The following POLA1 variants were observed in gnomAD, a reference collection of about 807,000 sequenced individuals.
POLA1 encodes the protein DNA polymerase alpha catalytic subunit.
A neutral mutation model predicts 124.0 loss-of-function variants in POLA1; 15 were observed. The ratio of observed to expected loss-of-function variants is 0.12; its 90% CI spans 0.08 to 0.19. The LOEUF (loss-of-function observed/expected upper bound fraction) is 0.19, where lower values mean the gene tolerates loss of function less well. POLA1 is among the 10% of genes least tolerant of loss of function. The probability of loss-of-function intolerance (pLI) is 1.00; values close to 1 mark genes in which losing one functional copy is unlikely to be tolerated. For synonymous variants in POLA1, 408 were observed against 389.4 expected (o/e 1.05, Z -0.56); for missense variants, 886 against 1,103.4 (o/e 0.80, Z 2.79).
At chrX:24,979,953 G>C (rs1258580269) in intron 36 of POLA1, among the ~76,000 whole-genome samples, 10 of 112,063 alleles carry the variant, frequency 8.9e-5, no homozygotes, top group African/African-American at 3.2e-4. Flanking sequence ...TTGGGTTGGA[G>C]AAATGACCTC....
chrX:24,840,180 TACA>T (rs2046392074), intron 32 of POLA1, among the ~76,000 whole-genome samples: 1 of 112,535 alleles, frequency 8.9e-6, no homozygotes, highest in Admixed American at 9.4e-5. Context: ...CTTTAATTCC[TACA>T]ACGAGTAGCT....
chrX:24,741,940 A>C, intron 21 of POLA1, 62 bp from the exon 22 acceptor site: 1 of 1,049,279 alleles, frequency 9.5e-7, no homozygotes, highest in East Asian at 3.2e-5. Context: ...TTACTGACTC[A>C]AAGTTGCTTT....
chrX:24,943,758 C>T (rs993917152), intron 36 of POLA1, among the ~76,000 whole-genome samples: 1 of 112,612 alleles, frequency 8.9e-6, no homozygotes, highest in Non-Finnish European at 1.9e-5. Flanking sequence ...AATCATCTTT[C>T]TTCACTTATT....
intron 34 of POLA1, among the ~76,000 whole-genome samples, chrX:24,854,289 C>A (rs930928947): frequency 9.0e-6 from 1 of 110,558 alleles, no homozygotes; most frequent in Admixed American, 9.6e-5. Flanking sequence ...AGGTGATTCA[C>A]CCCCCTCGCC....
At chrX:24,843,886 A>G (rs1007253308) in intron 34 of POLA1, among the ~76,000 whole-genome samples, 2 of 112,111 alleles carry the variant, frequency 1.8e-5, no homozygotes, top group African/African-American at 6.5e-5. Context: ...CATCTCTTTC[A>G]TTTACGAGCA....
intron 29 of POLA1, among the ~76,000 whole-genome samples, chrX:24,813,268 C>T (rs992383147): frequency 9.0e-6 from 1 of 110,934 alleles, no homozygotes; most frequent in African/African-American, 3.3e-5. Context: ...TTAAGATTTT[C>T]CCATTTTATG....
intron 13 of POLA1, 85 bp from the exon 14 acceptor site, chrX:24,726,848 C>T (rs1429290982): frequency 2.8e-6 from 2 of 702,902 alleles, no homozygotes; most frequent in Non-Finnish European, 4.1e-6. Flanking sequence ...CATAGAGAGG[C>T]TTTTGTTTAT....
rs769426128 is a variant in POLA1 at position 24,821,448 on chromosome X, T to C, written c.3430-4T>C. ...GCTTAGAACTTTTTTGTTCCCTCTT[T>C]TAGGCATTGACAAAGGATCCCCAGG... On this transcript the variant is annotated splice_polypyrimidine_tract_variant and splice_region_variant and intron_variant, in intron 30 of 36. Transcript: ENST00000379068. 7 of 1,202,198 alleles carry C rather than the reference T, an allele frequency of 5.8e-6. No individual in the cohort carries two copies. The highest frequency in any genetic ancestry group is 7.9e-6 in the Non-Finnish European group (7 of 889,944).
At chrX:24,792,791 A>G (rs969572998) in intron 26 of POLA1, among the ~76,000 whole-genome samples, 2 of 112,070 alleles carry the variant, frequency 1.8e-5, no homozygotes, top group African/African-American at 6.5e-5. Flanking sequence ...TAACTATGTA[A>G]ATTAACATAT....
chrX:24,886,951 C>T (rs1414618243), intron 34 of POLA1, among the ~76,000 whole-genome samples: 1 of 111,697 alleles, frequency 9.0e-6, no homozygotes, highest in East Asian at 2.8e-4. Flanking sequence ...CCAAGATCTA[C>T]AGATAGTCAG....
At chrX:24,877,929 T>C (rs1451548169) in intron 34 of POLA1, among the ~76,000 whole-genome samples, 1 of 107,707 alleles carries the variant, frequency 9.3e-6, no homozygotes, top group Admixed American at 1.0e-4. Context: ...TTTTTTTTGT[T>C]TTTTTTTTAG....
At chrX:24,806,057 T>G (rs1470266603) in intron 26 of POLA1, among the ~76,000 whole-genome samples, 3 of 7,565 alleles carry the variant, frequency 4.0e-4, no homozygotes, top group East Asian at 4.0e-3. Context: ...TATGAGGTTT[T>G]TTTTTTTTTT....
chrX:24,831,481 C>T (rs1360189042), intron 32 of POLA1, among the ~76,000 whole-genome samples: 2 of 110,512 alleles, frequency 1.8e-5, no homozygotes, highest in Non-Finnish European at 3.8e-5. Flanking sequence ...AGTGCAGTGG[C>T]GCTATCTCGG....
chrX:24,861,909 A>T (rs1001048365), intron 34 of POLA1, among the ~76,000 whole-genome samples: 1 of 112,024 alleles, frequency 8.9e-6, no homozygotes, highest in Middle Eastern at 4.6e-3. Context: ...CTTTATGTAT[A>T]TTTCTTTAAA....
intron 4 of POLA1, among the ~76,000 whole-genome samples, chrX:24,711,633 C>T (rs960005982): frequency 1.9e-4 from 21 of 109,888 alleles, no homozygotes; most frequent in African/African-American, 6.6e-4. Flanking sequence ...GAGTTTTGCT[C>T]GTTGCCTAAG....
chrX:24,902,871 G>C (rs1249598876), intron 35 of POLA1, among the ~76,000 whole-genome samples: 1 of 112,416 alleles, frequency 8.9e-6, no homozygotes, highest in African/African-American at 3.2e-5. Context: ...ATCTTCAGTA[G>C]CTAAGAAATA....
At chrX:24,797,202 A>G (rs1246876288) in intron 26 of POLA1, among the ~76,000 whole-genome samples, 1 of 110,739 alleles carries the variant, frequency 9.0e-6, no homozygotes, top group Non-Finnish European at 1.9e-5. Context: ...GGCCCTTCAC[A>G]TTTGGGCCTC....
intron 34 of POLA1, among the ~76,000 whole-genome samples, chrX:24,855,740 T>C (rs2046636525): frequency 9.0e-6 from 1 of 111,411 alleles, no homozygotes; most frequent in Admixed American, 9.5e-5. Flanking sequence ...AGTCAAGTAG[T>C]CATCCCTACG....
At chrX:24,839,929 GTC>G (rs1374375596) in intron 32 of POLA1, among the ~76,000 whole-genome samples, 1 of 111,809 alleles carries the variant, frequency 8.9e-6, no homozygotes, top group Non-Finnish European at 1.9e-5. Context: ...CAGCGGTGTG[GTC>G]TCTCTCAATT....
Sources: allele counts gnomAD v4.1 joint callset (sites outside exome capture counted in the v4.1 genomes callset), GRCh38; gene constraint gnomAD v4.1.1; transcripts MANE v1.5; gene names NCBI Gene and HGNC (gene_info 2026-07-23, HGNC 2026-07-21).